The following CRPPA variants were observed in gnomAD, a reference collection of about 807,000 sequenced individuals.
CRPPA encodes the protein D-ribitol-5-phosphate cytidylyltransferase.
CRPPA carries 43 observed loss-of-function variants against 52.0 expected under a neutral mutation model. The ratio of observed to expected loss-of-function variants is 0.83; its 90% CI spans 0.65 to 1.07. The LOEUF is 1.07. Among genes scored for constraint, CRPPA ranks in the 50% least tolerant of loss-of-function variants. CRPPA has a pLI of 0.00. For synonymous variants in CRPPA, 250 were observed against 203.5 expected, an observed-to-expected ratio of 1.23 and a Z score of -1.94; for missense variants, 629 against 551.7, an observed-to-expected ratio of 1.14 and a Z score of -1.40.
intron 9 of CRPPA, among the ~76,000 whole-genome samples, chr7:16,212,842 A>G (rs1285735521): frequency 6.6e-6 from 1 of 152,198 alleles, no homozygotes; most frequent in Admixed American, 6.5e-5. Flanking sequence ...GTGGAGGGCA[A>G]CAGACACTAG....
chr7:16,273,732 G>C (rs1326367418), intron 6 of CRPPA, among the ~76,000 whole-genome samples: 1 of 152,208 alleles, frequency 6.6e-6, no homozygotes, highest in African/African-American at 2.4e-5. Context: ...AAACACTTAA[G>C]CTGTTTGTAG....
At position 16,116,463 on chromosome 7, in the gene CRPPA, A is replaced by G. The variant is rs1782372140; in HGVS notation, c.1252-24664T>C. Among the ~76,000 whole-genome samples the G allele has an allele frequency of 2.0e-5, 3 of 152,074 alleles. No individual in the cohort carries two copies. The South Asian group carries it at 6.2e-4, about 31-fold the overall frequency. ...GTGGATCACCTGAGGTCAGGCATTCAAGACCAGCCTGGCCAACATGGCGAA... is the reference window on the plus strand; with the variant it reads ...GTGGATCACCTGAGGTCAGGCATTCGAGACCAGCCTGGCCAACATGGCGAA... On this transcript the variant is annotated intron_variant, in intron 9 of 9. Transcript: ENST00000407010.
chr7:16,398,227 CGTG>C (rs1562680731), intron 2 of CRPPA, among the ~76,000 whole-genome samples: 3 of 43,392 alleles, frequency 6.9e-5, no homozygotes, highest in East Asian at 9.5e-4. Context: ...CATGTAATAA[CGTG>C]ACTGACACGT....
chr7:16,377,370 G>A (rs1786919961), intron 2 of CRPPA, among the ~76,000 whole-genome samples: 1 of 152,136 alleles, frequency 6.6e-6, no homozygotes, highest in Admixed American at 6.5e-5. Flanking sequence ...GATAAGACAG[G>A]AAGGAAATGC....
chr7:16,378,086 T>A (rs1786947115), intron 2 of CRPPA, among the ~76,000 whole-genome samples: 1 of 151,512 alleles, frequency 6.6e-6, no homozygotes, highest in African/African-American at 2.4e-5. Flanking sequence ...ATGTGGTGAT[T>A]TTTCCTTTTT....
intron 9 of CRPPA, among the ~76,000 whole-genome samples, chr7:16,176,710 G>A (rs913279647): frequency 2.6e-4 from 40 of 152,032 alleles, no homozygotes; most frequent in African/African-American, 8.7e-4. Context: ...CGCAGTAGCT[G>A]GGACTATAGG....
chr7:16,383,138 C>A (rs558521417), intron 2 of CRPPA, among the ~76,000 whole-genome samples: 4 of 152,164 alleles, frequency 2.6e-5, no homozygotes, highest in African/African-American at 9.6e-5. Flanking sequence ...TACTTTTGGT[C>A]TTTGATGATG....
At chr7:16,174,095 C>CAA in intron 9 of CRPPA, among the ~76,000 whole-genome samples, 1 of 150,778 alleles carries the variant, frequency 6.6e-6, no homozygotes, top group East Asian at 1.9e-4. Context: ...TTAAACACTT[C>CAA]AAAAAAAAAT....
intron 8 of CRPPA, among the ~76,000 whole-genome samples, chr7:16,242,998 G>T (rs1404731747): frequency 2.6e-5 from 4 of 152,128 alleles, no homozygotes; most frequent in Admixed American, 1.3e-4. Flanking sequence ...ATCACCACCA[G>T]TCTCTAAATG....
chr7:16,396,484 T>C (rs1303530997), intron 2 of CRPPA, among the ~76,000 whole-genome samples: 1 of 152,216 alleles, frequency 6.6e-6, no homozygotes, highest in Non-Finnish European at 1.5e-5. Flanking sequence ...TATATAATAG[T>C]ACAACCACTA....
At chr7:16,220,843 C>T (rs1026690866) in intron 8 of CRPPA, among the ~76,000 whole-genome samples, 1 of 152,080 alleles carries the variant, frequency 6.6e-6, no homozygotes, top group African/African-American at 2.4e-5. Context: ...TAGGAAGAAT[C>T]AAAATCGTGA....
intron 3 of CRPPA, among the ~76,000 whole-genome samples, chr7:16,358,926 CA>C (rs763123617): frequency 6.6e-6 from 1 of 152,124 alleles, no homozygotes; most frequent in Non-Finnish European, 1.5e-5. Context: ...AGTAAAATGA[CA>C]ACTTTGAAAT....
At chr7:16,398,014 G>A (rs1259130234) in intron 2 of CRPPA, among the ~76,000 whole-genome samples, 1 of 152,204 alleles carries the variant, frequency 6.6e-6, no homozygotes, top group African/African-American at 2.4e-5. Flanking sequence ...TGATGTGATT[G>A]ACACATGATC....
At chr7:16,137,778 T>G (rs1173987495) in intron 9 of CRPPA, among the ~76,000 whole-genome samples, 1 of 152,190 alleles carries the variant, frequency 6.6e-6, no homozygotes, top group African/African-American at 2.4e-5. Context: ...GAAAACTATC[T>G]TGGGAATAAA....
chr7:16,174,309 G>T (rs1781250370), intron 9 of CRPPA, among the ~76,000 whole-genome samples: 2 of 152,128 alleles, frequency 1.3e-5, no homozygotes, highest in Admixed American at 1.3e-4. Context: ...TGAAGTCAGG[G>T]TCAACAAATC....
At chr7:16,386,436 A>G (rs183912144) in intron 2 of CRPPA, among the ~76,000 whole-genome samples, 105 of 152,246 alleles carry the variant, frequency 6.9e-4, no homozygotes, top group Admixed American at 2.0e-3. Context: ...CCCATTTAGG[A>G]CCATGAGTTT....
At chr7:16,308,699 A>C in intron 3 of CRPPA, 72 bp from the exon 4 acceptor site, 1 of 903,718 alleles carries the variant, frequency 1.1e-6, no homozygotes, top group Non-Finnish European at 1.8e-6. Context: ...CTTTTATTTC[A>C]TAATCCATTG....
intron 9 of CRPPA, among the ~76,000 whole-genome samples, chr7:16,113,665 GC>G (rs576671162): frequency 2.5e-4 from 38 of 151,840 alleles, no homozygotes; most frequent in African/African-American, 9.2e-4. Flanking sequence ...AAAATCAACA[GC>G]AAAAACTACA....
intron 8 of CRPPA, among the ~76,000 whole-genome samples, chr7:16,243,590 T>C (rs974812125): frequency 1.3e-5 from 2 of 152,050 alleles, no homozygotes; most frequent in African/African-American, 2.4e-5. Context: ...GAAGAGATGG[T>C]CCAAAAATAT....
Sources: gnomAD v4.1 joint callset for allele counts (sites outside exome capture counted in the v4.1 genomes callset) on GRCh38, gnomAD v4.1.1 for gene constraint, MANE v1.5 for transcripts, NCBI Gene and HGNC (gene_info 2026-07-23, HGNC 2026-07-21) for gene names.